Variants in HIPK2 observed in about 807,000 individuals in gnomAD.
The protein encoded by HIPK2 is homeodomain interacting protein kinase 2.
HIPK2 carries 27 observed loss-of-function variants against 113.7 expected under a neutral mutation model. The ratio of observed to expected loss-of-function variants is 0.24; its 90% CI spans 0.17 to 0.33. The LOEUF (loss-of-function observed/expected upper bound fraction) is 0.33, where lower values mean the gene tolerates loss of function less well. HIPK2 is among the 10% of genes least tolerant of loss of function. The probability of loss-of-function intolerance (pLI) is 1.00; values close to 1 mark genes in which losing one functional copy is unlikely to be tolerated. For missense variants in HIPK2, 1,257 were observed against 1,588.0 expected, an observed-to-expected ratio of 0.79 and a Z score of 3.54; for synonymous variants, 631 against 642.2, an observed-to-expected ratio of 0.98 and a Z score of 0.26.
chr7:139,726,820 C>A (rs902386491), intron 1 of HIPK2, among the ~76,000 whole-genome samples: 3 of 152,020 alleles, frequency 2.0e-5, no homozygotes, highest in African/African-American at 7.3e-5. Flanking sequence ...AGGGACACAG[C>A]CAAAAGACCA....
intron 11 of HIPK2, among the ~76,000 whole-genome samples, chr7:139,599,388 C>T (rs1799340709): frequency 6.6e-6 from 1 of 152,212 alleles, no homozygotes; most frequent in Admixed American, 6.5e-5. Flanking sequence ...TCTTCGCAGT[C>T]AATCTCCTCC....
At chr7:139,756,052 C>A in intron 1 of HIPK2, among the ~76,000 whole-genome samples, 1 of 152,216 alleles carries the variant, frequency 6.6e-6, no homozygotes, top group East Asian at 1.9e-4. Context: ...AACCAATGAA[C>A]GAATGAATCA....
At chr7:139,573,444 G>C (rs763791738) in intron 14 of HIPK2, 47 bp from the exon 15 acceptor site, 2 of 1,570,082 alleles carry the variant, frequency 1.3e-6, no homozygotes, top group Non-Finnish European at 1.7e-6. Flanking sequence ...CGACACATGG[G>C]GAGGAAGGAA....
Position 139,777,680 on chromosome 7 carries a change from T to C in HIPK2, c.-57A>G. On this transcript the variant is annotated 5_prime_UTR_variant, in exon 1 of 15. Coordinates refer to ENST00000406875, the MANE Select transcript of HIPK2 (RefSeq NM_022740.5). Reference sequence around the variant, plus strand: ...GGGGACGGGAAAGCGGCGCGCGAGCTCGGCCCCCCCAGCCTCAGTCGGAAT... The same window carrying C: ...GGGGACGGGAAAGCGGCGCGCGAGCCCGGCCCCCCCAGCCTCAGTCGGAAT... The C allele has an allele frequency of 1.9e-6, 2 of 1,063,042 alleles. No individual in the cohort carries two copies. Among genetic ancestry groups the C allele is most frequent in the Non-Finnish European group, 1.1e-6 (1 of 881,202 alleles). 65.9% of individuals were successfully genotyped at this position (1,063,042 alleles called of 1,614,324 possible).
chr7:139,719,665 C>G (rs957952058), intron 1 of HIPK2, among the ~76,000 whole-genome samples: 1 of 152,246 alleles, frequency 6.6e-6, no homozygotes, highest in Admixed American at 6.5e-5. Context: ...ATCTCCATGA[C>G]TGTTCTAGTC....
At chr7:139,586,610 A>T (rs1798838458) in intron 12 of HIPK2, among the ~76,000 whole-genome samples, 1 of 151,790 alleles carries the variant, frequency 6.6e-6, no homozygotes, top group Non-Finnish European at 1.5e-5. Flanking sequence ...CTCTACAAAC[A>T]ATTAAAAAAA....
At chr7:139,665,552 C>T (rs1016806458) in intron 2 of HIPK2, among the ~76,000 whole-genome samples, 4 of 145,930 alleles carry the variant, frequency 2.7e-5, no homozygotes, top group Non-Finnish European at 6.1e-5. Flanking sequence ...CTTCAGCCTC[C>T]TGGCCACATC....
At chr7:139,658,082 G>A (rs1057255747) in intron 2 of HIPK2, among the ~76,000 whole-genome samples, 15 of 152,288 alleles carry the variant, frequency 9.8e-5, no homozygotes, top group Non-Finnish European at 1.9e-4. Context: ...ATCAATAGGG[G>A]ATCACCTGAG....
chr7:139,718,633 T>C (rs1364788812), intron 1 of HIPK2, among the ~76,000 whole-genome samples: 1 of 152,228 alleles, frequency 6.6e-6, no homozygotes, highest in East Asian at 1.9e-4. Context: ...CTCTTGAACC[T>C]GCTTCCACCA....
At chr7:139,741,338 T>G (rs1796094239) in intron 1 of HIPK2, among the ~76,000 whole-genome samples, 1 of 152,182 alleles carries the variant, frequency 6.6e-6, no homozygotes, top group Non-Finnish European at 1.5e-5. Context: ...GTGCTGAGCC[T>G]CATAGGCCTC....
At chr7:139,649,549 A>G (rs1451013003) in intron 2 of HIPK2, among the ~76,000 whole-genome samples, 2 of 151,158 alleles carry the variant, frequency 1.3e-5, no homozygotes, top group Admixed American at 6.6e-5. Flanking sequence ...GCCTGAGGGT[A>G]TGTGTGTGTG....
At chr7:139,583,250 G>A (rs1009263570) in intron 13 of HIPK2, among the ~76,000 whole-genome samples, 2 of 152,196 alleles carry the variant, frequency 1.3e-5, no homozygotes, top group Non-Finnish European at 2.9e-5. Flanking sequence ...TTATTCCAGG[G>A]CCCAATTTTC....
At chr7:139,588,345 A>C (rs1798906013) in intron 12 of HIPK2, among the ~76,000 whole-genome samples, 1 of 151,248 alleles carries the variant, frequency 6.6e-6, no homozygotes, top group Non-Finnish European at 1.5e-5. Context: ...CTGCTGAAAA[A>C]AAAAAACAAA....
intron 12 of HIPK2, among the ~76,000 whole-genome samples, chr7:139,590,050 C>T (rs1798964620): frequency 6.6e-6 from 1 of 152,188 alleles, no homozygotes; most frequent in Non-Finnish European, 1.5e-5. Context: ...TTAAATGAGT[C>T]ACTTTAGAAA....
At chr7:139,629,257 C>T (rs111309634) in intron 4 of HIPK2, among the ~76,000 whole-genome samples, 2,066 of 152,226 alleles carry the variant, frequency 0.014, 48 homozygotes, top group African/African-American at 0.046. Flanking sequence ...GGGCTGGCTC[C>T]GGGTCAGGTA....
intron 2 of HIPK2, among the ~76,000 whole-genome samples, chr7:139,695,916 C>T (rs1225479213): frequency 4.0e-5 from 6 of 151,026 alleles, no homozygotes; most frequent in African/African-American, 1.2e-4. Context: ...TCATAGCACA[C>T]TGTCTTGCTC....
In HIPK2 at chr7:139,583,835, A is replaced by T. The variant is rs1212019100; in HGVS notation, c.2947T>A (p.Cys983Ser). Residue 983 changes from cysteine to serine, a missense_variant, in exon 13 of 15, where the codon TGT becomes AGT. By Grantham distance (112) the Cys-to-Ser change is moderately radical. Coordinates refer to ENST00000406875, the MANE Select transcript of HIPK2 (RefSeq NM_022740.5). ...KTQASEVLVE[C>S]DSLVPVNTSH... ...AAATTACCTGGCACCAGGCTATCAC[A>T]CTCCACCAATACTTCGCTGGCCTGG... 1.2e-6 allele frequency: 2 copies of T among 1,611,212 alleles called. No individual in the cohort carries two copies. The highest frequency in any genetic ancestry group is 1.7e-6 in the Non-Finnish European group (2 of 1,178,874).
intron 1 of HIPK2, among the ~76,000 whole-genome samples, chr7:139,753,550 T>C (rs2117116947): frequency 6.6e-6 from 1 of 152,338 alleles, no homozygotes; most frequent in East Asian, 1.9e-4. Flanking sequence ...CGAGGGAGAT[T>C]ATCTTTCAGC....
chr7:139,765,807 C>A (rs80056090), intron 1 of HIPK2, among the ~76,000 whole-genome samples: 5 of 152,256 alleles, frequency 3.3e-5, no homozygotes, highest in African/African-American at 7.2e-5. Context: ...CTGCCTCCCC[C>A]CTTCTGCCCC....
Sources: allele counts gnomAD v4.1 joint callset (sites outside exome capture counted in the v4.1 genomes callset), GRCh38; gene constraint gnomAD v4.1.1; transcripts MANE v1.5; gene names NCBI Gene and HGNC (gene_info 2026-07-23, HGNC 2026-07-21).